The following ARHGAP10 variants were observed in gnomAD, a reference collection of about 807,000 sequenced individuals.
ARHGAP10 encodes the protein rho GTPase-activating protein 10.
A neutral mutation model predicts 108.6 loss-of-function variants in ARHGAP10; 87 were observed. The observed-to-expected ratio is 0.80, with a 90% CI of 0.67 to 0.96. ARHGAP10 has a LOEUF of 0.96. Ranked by LOEUF, ARHGAP10 falls within the 40% of genes least tolerant of loss-of-function variation. The pLI, the probability that ARHGAP10 is intolerant of heterozygous loss-of-function variation, is 0.00. For missense variants in ARHGAP10, 939 were observed against 954.5 expected, an observed-to-expected ratio of 0.98 and a Z score of 0.21; for synonymous variants, 347 against 341.1, an observed-to-expected ratio of 1.02 and a Z score of -0.19.
At chr4:147,817,711 C>T (rs1171042854) in intron 1 of ARHGAP10, among the ~76,000 whole-genome samples, 1 of 152,174 alleles carries the variant, frequency 6.6e-6, no homozygotes, top group Non-Finnish European at 1.5e-5. Flanking sequence ...GTGGCAAGTT[C>T]ATTTGAAGGG....
intron 1 of ARHGAP10, among the ~76,000 whole-genome samples, chr4:147,781,976 A>G (rs1345438506): frequency 6.6e-6 from 1 of 152,118 alleles, no homozygotes; most frequent in African/African-American, 2.4e-5. Flanking sequence ...GATTTCTGAA[A>G]TACGGTAAAA....
intron 10 of ARHGAP10, among the ~76,000 whole-genome samples, chr4:147,883,817 C>G (rs1735434406): frequency 6.6e-6 from 1 of 152,092 alleles, no homozygotes; most frequent in Non-Finnish European, 1.5e-5. Context: ...GCCTCAGCCT[C>G]CTGAGTAGCT....
intron 4 of ARHGAP10, among the ~76,000 whole-genome samples, chr4:147,856,311 A>G (rs192601542): frequency 6.6e-6 from 1 of 152,360 alleles, no homozygotes; most frequent in Admixed American, 6.5e-5. Context: ...GTACTGGTAT[A>G]TCAATATTAT....
At chr4:148,019,722 G>C (rs1255613771) in intron 18 of ARHGAP10, among the ~76,000 whole-genome samples, 1 of 151,204 alleles carries the variant, frequency 6.6e-6, no homozygotes, top group African/African-American at 2.4e-5. Context: ...CCGAGATCGC[G>C]CCATTGCACT....
chr4:147,937,909 G>T (rs537764571), intron 13 of ARHGAP10, among the ~76,000 whole-genome samples: 1 of 152,298 alleles, frequency 6.6e-6, no homozygotes, highest in African/African-American at 2.4e-5. Context: ...AACCTGTGAG[G>T]TGGAGGTTGC....
At chr4:147,742,380 T>G (rs1728715234) in intron 1 of ARHGAP10, among the ~76,000 whole-genome samples, 1 of 151,848 alleles carries the variant, frequency 6.6e-6, no homozygotes, top group Admixed American at 6.6e-5. Context: ...TGCCTATTAT[T>G]TTTATTATTA....
At chr4:147,739,823 C>A (rs953306320) in intron 1 of ARHGAP10, among the ~76,000 whole-genome samples, 20 of 151,616 alleles carry the variant, frequency 1.3e-4, no homozygotes, top group Admixed American at 2.0e-4. Context: ...GCAACCTCCG[C>A]CTCCCAGGTT....
At chr4:147,873,800 A>G (rs1443817040) in intron 7 of ARHGAP10, among the ~76,000 whole-genome samples, 10 of 148,456 alleles carry the variant, frequency 6.7e-5, no homozygotes, top group Non-Finnish European at 1.2e-4. Flanking sequence ...ACTTGAGTTC[A>G]GGAGGTTGAG....
chr4:147,913,018 A>G, intron 12 of ARHGAP10, 56 bp from the exon 13 acceptor site: 1 of 1,488,496 alleles, frequency 6.7e-7, no homozygotes, highest in Non-Finnish European at 9.3e-7. Flanking sequence ...TTTAAAAGGA[A>G]GAGAAATGTG....
In ARHGAP10 at chr4:147,757,465, G is replaced by A. The variant is rs545307317; in HGVS notation, c.154+25010G>A. Among the ~76,000 whole-genome samples, 5 of 152,234 alleles carry A rather than the reference G, an allele frequency of 3.3e-5. No individual in the cohort carries two copies. In the South Asian group the frequency reaches 8.3e-4, roughly 25 times the overall value. On this transcript the variant is annotated intron_variant, in intron 1 of 22. Coordinates refer to ENST00000336498, the MANE Select transcript of ARHGAP10 (RefSeq NM_024605.4). ...CCCGCCTCGGCCTTCCAAAGTGCTC[G>A]GATTACAGGTGTGAGCCACCGCGCC... is the stretch of plus-strand genomic sequence containing the variant.
intron 18 of ARHGAP10, among the ~76,000 whole-genome samples, chr4:148,015,207 C>T (rs1741303162): frequency 6.6e-6 from 1 of 152,142 alleles, no homozygotes; most frequent in Non-Finnish European, 1.5e-5. Flanking sequence ...TGAGGAATTT[C>T]AGCTATTCAG....
rs143732969 is a variant in ARHGAP10, at chr4:147,918,604, G to T, written c.1228+5465G>T. Among the ~76,000 whole-genome samples, 116 of 152,162 alleles carry T rather than the reference G, an allele frequency of 7.6e-4. 1 individual carries two copies. The South Asian group carries it at 0.014, about 19-fold the overall frequency. On this transcript the variant is annotated intron_variant, in intron 13 of 22. Transcript: ENST00000336498. The stretch of plus-strand genomic sequence containing the variant: ...GGTGGGTCACATTGTCTTTCTGTTG[G>T]CCATCCCTGGTCTGGACTTAGGGGC...
chr4:147,746,596 G>C (rs1336353651), intron 1 of ARHGAP10, among the ~76,000 whole-genome samples: 1 of 151,882 alleles, frequency 6.6e-6, no homozygotes, highest in Non-Finnish European at 1.5e-5. Context: ...CACCATGTTG[G>C]CCAGGCTGGT....
chr4:147,995,648 C>T (rs1740443895), intron 18 of ARHGAP10, among the ~76,000 whole-genome samples: 1 of 152,152 alleles, frequency 6.6e-6, no homozygotes, highest in South Asian at 2.1e-4. Flanking sequence ...AAAATAATAA[C>T]CTGGTATCAG....
At chr4:147,998,267 A>G (rs1046541584) in intron 18 of ARHGAP10, among the ~76,000 whole-genome samples, 3 of 152,184 alleles carry the variant, frequency 2.0e-5, no homozygotes, top group African/African-American at 7.2e-5. Context: ...TATAAAAACA[A>G]ATACAGAAAT....
rs1730212276 is a variant in ARHGAP10, at chr4:148,072,137, G to A, written c.*56G>A. The A allele has an allele frequency of 1.3e-6, 2 of 1,512,116 alleles. No homozygotes were observed. Among genetic ancestry groups the A allele is most frequent in the Non-Finnish European group, 1.8e-6 (2 of 1,104,762 alleles). 93.7% of individuals were successfully genotyped at this position (1,512,116 alleles called of 1,614,324 possible). On this transcript the variant is annotated 3_prime_UTR_variant, in exon 23 of 23. Transcript: ENST00000336498. The stretch of plus-strand genomic sequence containing the variant: ...GCACCCAGGGACCTGCCTGGGGGCA[G>A]AGAGCTGTCTTCCTCCTCCGAGGCT...
intron 1 of ARHGAP10, among the ~76,000 whole-genome samples, chr4:147,791,465 A>G (rs906291557): frequency 6.6e-6 from 1 of 152,154 alleles, no homozygotes; most frequent in Admixed American, 6.5e-5. Context: ...TTTTTGCTAC[A>G]TTCTGTAGTT....
At chr4:147,841,280 C>T (rs932008220) in intron 3 of ARHGAP10, among the ~76,000 whole-genome samples, 3 of 152,194 alleles carry the variant, frequency 2.0e-5, no homozygotes, top group Admixed American at 6.5e-5. Flanking sequence ...AGGCATTTTG[C>T]GACTTCTTTT....
At chr4:147,750,616 G>C (rs1186544065) in intron 1 of ARHGAP10, among the ~76,000 whole-genome samples, 5 of 149,850 alleles carry the variant, frequency 3.3e-5, no homozygotes, top group Admixed American at 3.3e-4. Flanking sequence ...TTTTTTTTTG[G>C]GGGGGGTTGT....
Sources: allele counts gnomAD v4.1 joint callset (sites outside exome capture counted in the v4.1 genomes callset), GRCh38; gene constraint gnomAD v4.1.1; transcripts MANE v1.5; gene names NCBI Gene and HGNC (gene_info 2026-07-23, HGNC 2026-07-21).